Variants in ZNF875 observed in about 807,000 individuals in gnomAD.
ZNF875 encodes HKR1, GLI-Kruppel zinc finger family member.
Under a neutral mutation model 11.2 loss-of-function variants are expected in ZNF875, and 14 were observed. That is an observed-to-expected ratio of 1.26 (90% confidence interval 0.83 to 1.96). The LOEUF (loss-of-function observed/expected upper bound fraction) is 1.96. Among genes scored for constraint, ZNF875 ranks in the 30% most tolerant of loss-of-function variants. The pLI is 0.00. For synonymous variants in ZNF875, 301 were observed against 281.1 expected (o/e 1.07, Z -0.71); for missense variants, 752 against 760.4 (o/e 0.99, Z 0.13).
intron 1 of ZNF875, 166 bp from the exon 2 acceptor site, chr19:37,335,003 G>T: frequency 1.8e-6 from 1 of 544,486 alleles, no homozygotes; most frequent in Non-Finnish European, 3.4e-6. Context: ...GGCTGAGCTT[G>T]AGGGTGGCTG....
chr19:37,351,340 C>G (rs532021706), intron 4 of ZNF875, among the ~76,000 whole-genome samples: 11 of 152,052 alleles, frequency 7.2e-5, no homozygotes, highest in Admixed American at 2.0e-4. Flanking sequence ...GGTATTTTAT[C>G]TAAAGGTTTA....
intron 2 of ZNF875, among the ~76,000 whole-genome samples, chr19:37,338,500 G>C (rs1405615319): frequency 1.3e-5 from 2 of 152,188 alleles, no homozygotes; most frequent in Non-Finnish European, 1.5e-5. Context: ...AAAGTCAGAA[G>C]TTTGTGGTAG....
intron 4 of ZNF875, among the ~76,000 whole-genome samples, chr19:37,348,127 T>A (rs1011160076): frequency 6.6e-6 from 1 of 152,210 alleles, no homozygotes; most frequent in African/African-American, 2.4e-5. Flanking sequence ...CTTTCCTCAT[T>A]CACTGTCTTC....
chr19:37,339,096 T>C (rs187791584), intron 2 of ZNF875, among the ~76,000 whole-genome samples: 14 of 152,204 alleles, frequency 9.2e-5, no homozygotes, highest in South Asian at 8.3e-4. Context: ...TTACAGTTAA[T>C]GATGGGTAAA....
upstream of ZNF875, among the ~76,000 whole-genome samples, chr19:37,331,250 T>G (rs1251076476): frequency 1.0e-5 from 1 of 97,082 alleles, no homozygotes; most frequent in Non-Finnish European, 2.1e-5. Context: ...TTTTTTTTTT[T>G]GAGAGTCTCG....
intron 4 of ZNF875, among the ~76,000 whole-genome samples, chr19:37,358,967 C>T (rs964441450): frequency 6.6e-6 from 1 of 151,940 alleles, no homozygotes; most frequent in Admixed American, 6.6e-5. Flanking sequence ...GTGGCACAAT[C>T]TCGGCTCACT....
upstream of ZNF875, among the ~76,000 whole-genome samples, chr19:37,333,956 GT>G (rs1421792430): frequency 1.1e-4 from 17 of 152,018 alleles, no homozygotes; most frequent in African/African-American, 3.9e-4. Context: ...AGCCGCACCT[GT>G]ACCCCAGCCT....
At chr19:37,350,603 G>A (rs2037688941) in intron 4 of ZNF875, among the ~76,000 whole-genome samples, 1 of 151,680 alleles carries the variant, frequency 6.6e-6, no homozygotes. Context: ...GTTTTTGCAT[G>A]TACTCTTTTT....
chr19:37,315,619 C>T (rs531274893), upstream of ZNF875: 1 of 152,220 alleles, frequency 6.6e-6, no homozygotes, highest in African/African-American at 2.4e-5. Flanking sequence ...TTTGCTGAGT[C>T]AGTCCGTCGC....
upstream of ZNF875, among the ~76,000 whole-genome samples, chr19:37,316,424 C>T (rs546481992): frequency 1.4e-4 from 21 of 152,232 alleles, no homozygotes; most frequent in Non-Finnish European, 2.9e-4. Context: ...GGCTGGAGTG[C>T]AATATCGCGA....
upstream of ZNF875, among the ~76,000 whole-genome samples, chr19:37,314,605 A>C (rs925015031): frequency 2.6e-5 from 4 of 152,138 alleles, no homozygotes; most frequent in African/African-American, 9.7e-5. Flanking sequence ...TGGGGGACTC[A>C]CTTGAGGTCA....
Position 37,362,623 on chromosome 19 carries a change from T to G in ZNF875, c.771T>G (p.Thr257=). The part of the protein sequence containing the change: ...TQTGETPYMY[T]EWGDSFGSMS... Reference sequence around the variant, plus strand: ...CTGGGGAGACACCTTACATGTACACTGAGTGGGGAGACAGCTTTGGCAGTA... The same window carrying G: ...CTGGGGAGACACCTTACATGTACACGGAGTGGGGAGACAGCTTTGGCAGTA... The change falls in exon 5 of 5, where the codon ACT becomes ACG. Residue 257 remains threonine (T), a synonymous_variant. Coordinates refer to ENST00000392153, the MANE Select transcript of ZNF875 (RefSeq NM_001353803.2). The G allele has an allele frequency of 1.2e-6, 2 of 1,613,658 alleles. No homozygotes were observed. Among genetic ancestry groups the G allele is most frequent in the Non-Finnish European group, 1.7e-6 (2 of 1,179,804 alleles).
At chr19:37,346,029 A>C (rs2036692659) in intron 2 of ZNF875, among the ~76,000 whole-genome samples, 1 of 152,218 alleles carries the variant, frequency 6.6e-6, no homozygotes, top group South Asian at 2.1e-4. Flanking sequence ...TCTGTTGTAG[A>C]CACCAGGGCA....
intron 4 of ZNF875, among the ~76,000 whole-genome samples, chr19:37,349,011 G>A (rs1218899601): frequency 6.6e-6 from 1 of 152,174 alleles, no homozygotes; most frequent in East Asian, 1.9e-4. Flanking sequence ...TTCCTTTTGA[G>A]GGTTGTGAGG....
At chr19:37,350,110 T>G (rs2037578893) in intron 4 of ZNF875, among the ~76,000 whole-genome samples, 1 of 124,588 alleles carries the variant, frequency 8.0e-6, no homozygotes. Context: ...ACTGGCCTTT[T>G]TTTTTTTTTT....
intron 2 of ZNF875, among the ~76,000 whole-genome samples, chr19:37,343,857 C>T (rs1233624518): frequency 6.6e-6 from 1 of 152,040 alleles, no homozygotes; most frequent in Admixed American, 6.6e-5. Flanking sequence ...TGCTTTTGGC[C>T]GCAAGCAACA....
At chr19:37,330,856 C>T (rs1952424668), upstream of ZNF875, among the ~76,000 whole-genome samples, 1 of 152,134 alleles carries the variant, frequency 6.6e-6, no homozygotes, top group Admixed American at 6.5e-5. Context: ...TTACTTAAAA[C>T]TTTGAGTTTT....
rs1015462219 is a variant in ZNF875, at chr19:37,319,349, A to ATG, written c.-747+1164_-747+1165insGT. ...GTGTGCTCCACTGCAGCCGGCATAT[A>ATG]TATATATATATATATATATAATAAA... On this transcript the variant is annotated intron_variant, in intron 1 of 5. Coordinates refer to the ZNF875 transcript ENST00000544914. Among the ~76,000 whole-genome samples, 10 of 141,572 alleles carry ATG rather than the reference A, an allele frequency of 7.1e-5. 2 individuals are homozygous for ATG. In the East Asian group the frequency reaches 1.0e-3, roughly 14 times the overall value. 92.9% of individuals were successfully genotyped at this position (141,572 alleles called of 152,430 possible).
upstream of ZNF875, chr19:37,315,162 C>T (rs1196277455): frequency 1.3e-5 from 2 of 152,112 alleles, no homozygotes; most frequent in Non-Finnish European, 2.9e-5. Flanking sequence ...TGGCTTCTTT[C>T]ACTTAGCATC....
Sources: gnomAD v4.1 joint callset for allele counts (sites outside exome capture counted in the v4.1 genomes callset) on GRCh38, gnomAD v4.1.1 for gene constraint, MANE v1.5 for transcripts, NCBI Gene and HGNC (gene_info 2026-07-23, HGNC 2026-07-21) for gene names.